Variants in SH2D4B observed in about 807,000 individuals in gnomAD.
The protein encoded by SH2D4B is SH2 domain containing 4B, also known as SH2 domain-containing protein 4B.
A neutral mutation model predicts 61.5 loss-of-function variants in SH2D4B; 45 were observed. The ratio of observed to expected loss-of-function variants is 0.73; its 90% CI spans 0.58 to 0.94. The LOEUF is 0.94. SH2D4B is among the 40% of genes least tolerant of loss of function. The probability of loss-of-function intolerance (pLI) is 0.00; values close to 1 mark genes in which losing one functional copy is unlikely to be tolerated. For missense variants in SH2D4B, 572 were observed against 574.2 expected, an observed-to-expected ratio of 1.00 and a Z score of 0.04; for synonymous variants, 224 against 220.4, an observed-to-expected ratio of 1.02 and a Z score of -0.14.
intron 7 of SH2D4B, among the ~76,000 whole-genome samples, chr10:80,639,234 A>G (rs1352771932): frequency 2.6e-5 from 4 of 152,158 alleles, no homozygotes; most frequent in Admixed American, 6.5e-5. Context: ...AATAAGTGCA[A>G]TGTGGTGCTG....
chr10:80,604,524 C>T (rs1263599495), intron 5 of SH2D4B, among the ~76,000 whole-genome samples: 1 of 152,200 alleles, frequency 6.6e-6, no homozygotes, highest in Non-Finnish European at 1.5e-5. Context: ...CACCTGCCTG[C>T]TCCTTTAACC....
At chr10:80,614,880 C>T (rs1480904482) in intron 6 of SH2D4B, among the ~76,000 whole-genome samples, 1 of 152,252 alleles carries the variant, frequency 6.6e-6, no homozygotes, top group Non-Finnish European at 1.5e-5. Context: ...TGTCGGACTT[C>T]ACCTTGCTCA....
At chr10:80,641,729 A>G (rs1039031761) in intron 7 of SH2D4B, among the ~76,000 whole-genome samples, 2 of 152,250 alleles carry the variant, frequency 1.3e-5, no homozygotes, top group Admixed American at 6.5e-5. Flanking sequence ...CTCCTCACTC[A>G]GGACAGATTC....
intron 1 of SH2D4B, among the ~76,000 whole-genome samples, chr10:80,554,194 C>A: frequency 6.6e-6 from 1 of 152,310 alleles, no homozygotes; most frequent in East Asian, 1.9e-4. Flanking sequence ...GAGAACACAT[C>A]GCTGTTGGGG....
At chr10:80,545,871 T>C (rs11185982) in intron 1 of SH2D4B, among the ~76,000 whole-genome samples, 20,688 of 152,100 alleles carry the variant, frequency 0.14, 1,477 homozygotes, top group Non-Finnish European at 0.15. Context: ...AGTATAGAAA[T>C]CAGAATATAT....
chr10:80,560,149 G>A (rs573438442), intron 1 of SH2D4B, among the ~76,000 whole-genome samples: 125 of 151,496 alleles, frequency 8.3e-4, no homozygotes, highest in African/African-American at 2.8e-3. Flanking sequence ...CACCTCGCCC[G>A]GCTAATTTTT....
intron 3 of SH2D4B, among the ~76,000 whole-genome samples, chr10:80,587,158 T>TTTTTTTTTTTG (rs1564775960): frequency 8.2e-6 from 1 of 122,530 alleles, no homozygotes; most frequent in Non-Finnish European, 1.6e-5. Flanking sequence ...TTTGTTTTTT[T>TTTTTTTTTTTG]TTTTTTTTTT....
intron 6 of SH2D4B, among the ~76,000 whole-genome samples, chr10:80,631,634 T>A (rs1250344267): frequency 1.3e-5 from 2 of 152,226 alleles, no homozygotes; most frequent in Non-Finnish European, 2.9e-5. Context: ...TTAAAAAGAA[T>A]GAAATCCTGT....
intron 4 of SH2D4B, among the ~76,000 whole-genome samples, chr10:80,591,174 T>G (rs1264503404): frequency 6.6e-6 from 1 of 152,068 alleles, no homozygotes; most frequent in Non-Finnish European, 1.5e-5. Flanking sequence ...TTTTCACTTT[T>G]TGGCTATTTT....
At chr10:80,629,022 T>C (rs1454109763) in intron 6 of SH2D4B, among the ~76,000 whole-genome samples, 2 of 87,278 alleles carry the variant, frequency 2.3e-5, no homozygotes, top group East Asian at 6.0e-4. Flanking sequence ...AGAGCGAGAC[T>C]CTATCTCAAA....
chr10:80,576,986 C>T (rs563440120), intron 3 of SH2D4B, among the ~76,000 whole-genome samples: 9 of 152,306 alleles, frequency 5.9e-5, no homozygotes, highest in South Asian at 4.1e-4. Context: ...AAGTTGGTCT[C>T]GAACTCCTGA....
intron 6 of SH2D4B, among the ~76,000 whole-genome samples, chr10:80,618,310 AT>A (rs1236311645): frequency 2.4e-4 from 36 of 152,342 alleles, no homozygotes; most frequent in African/African-American, 7.7e-4. Flanking sequence ...TTACTGGGTG[AT>A]ACCACTCTCT....
intron 6 of SH2D4B, among the ~76,000 whole-genome samples, chr10:80,619,241 T>G (rs1044360707): frequency 6.6e-6 from 1 of 152,102 alleles, no homozygotes; most frequent in African/African-American, 2.4e-5. Context: ...ACAGGAAGGG[T>G]GAAAGCAAGC....
At chr10:80,552,900 T>C (rs1167118184) in intron 1 of SH2D4B, among the ~76,000 whole-genome samples, 2 of 149,922 alleles carry the variant, frequency 1.3e-5, no homozygotes, top group East Asian at 3.9e-4. Flanking sequence ...TCTCTCTCTC[T>C]CTCTCTCTTG....
intron 1 of SH2D4B, among the ~76,000 whole-genome samples, chr10:80,558,320 G>T (rs957991976): frequency 3.9e-5 from 6 of 151,968 alleles, no homozygotes. Context: ...CAGCTGTCAT[G>T]TGAAGTGTTC....
chr10:80,568,671 C>G (rs1842001690), intron 1 of SH2D4B, among the ~76,000 whole-genome samples: 1 of 152,236 alleles, frequency 6.6e-6, no homozygotes, highest in African/African-American at 2.4e-5. Flanking sequence ...AATCCCATCT[C>G]TTGCAATGTC....
At chr10:80,562,903 T>C (rs866787754) in intron 1 of SH2D4B, among the ~76,000 whole-genome samples, 246 of 127,994 alleles carry the variant, frequency 1.9e-3, no homozygotes, top group African/African-American at 8.3e-3. Context: ...TCTTTTTTTT[T>C]TTTTTTTTTT....
chr10:80,553,238 T>C (rs1484835361), intron 1 of SH2D4B, among the ~76,000 whole-genome samples: 1 of 152,198 alleles, frequency 6.6e-6, no homozygotes, highest in African/African-American at 2.4e-5. Context: ...ATTTCTATCC[T>C]AGTATTTCAC....
intron 6 of SH2D4B, among the ~76,000 whole-genome samples, chr10:80,623,165 T>A (rs1842734751): frequency 1.3e-5 from 2 of 152,374 alleles, no homozygotes; most frequent in South Asian, 4.1e-4. Flanking sequence ...TCCGCCTGCC[T>A]CGGCCTCCCA....
Sources: allele counts gnomAD v4.1 joint callset (sites outside exome capture counted in the v4.1 genomes callset), GRCh38; gene constraint gnomAD v4.1.1; transcripts MANE v1.5; gene names NCBI Gene and HGNC (gene_info 2026-07-23, HGNC 2026-07-21).